The following DOCK4 variants were observed in gnomAD, a reference collection of about 807,000 sequenced individuals.
DOCK4 encodes the protein dedicator of cytokinesis 4, also known as dedicator of cytokinesis protein 4.
DOCK4 carries 97 observed loss-of-function variants against 268.1 expected under a neutral mutation model. The observed-to-expected ratio is 0.36, with a 90% confidence interval of 0.31 to 0.43. The LOEUF (loss-of-function observed/expected upper bound fraction) is 0.43. Ranked by LOEUF, DOCK4 falls within the 20% of genes least tolerant of loss-of-function variation. DOCK4 has a pLI of 1.00. For synonymous variants in DOCK4, 954 were observed against 887.2 expected (o/e 1.08, Z -1.34); for missense variants, 2,145 against 2,455.7 (o/e 0.87, Z 2.67).
intron 25 of DOCK4, among the ~76,000 whole-genome samples, chr7:111,843,601 G>T (rs1229046527): frequency 6.6e-6 from 1 of 152,132 alleles, no homozygotes; most frequent in Non-Finnish European, 1.5e-5. Flanking sequence ...TGAGAAAGTG[G>T]ACGATTCATA....
rs534361716 is a variant in DOCK4, at chr7:112,186,985, C to G, written c.37+19117G>C. ...AACCACTAATTAAACACTTTTGTTT[C>G]TCTTTTTTTTTAAGCCATTAATACT... is the stretch of plus-strand genomic sequence containing the variant. On this transcript the variant is annotated intron_variant, in intron 1 of 52. Coordinates refer to ENST00000428084, the MANE Select transcript of DOCK4 (RefSeq NM_001363540.2). Among the ~76,000 whole-genome samples the G allele has an allele frequency of 2.1e-3, 312 of 152,048 alleles. 1 individual carries two copies. Among genetic ancestry groups the G allele is most frequent in the African/African-American group, 7.2e-3 (298 of 41,476 alleles).
At chr7:111,964,269 G>C (rs1234112983) in intron 8 of DOCK4, among the ~76,000 whole-genome samples, 3 of 113,008 alleles carry the variant, frequency 2.7e-5, no homozygotes, top group Non-Finnish European at 5.1e-5. Context: ...GCTACGGGAG[G>C]ACATTCAAAC....
chr7:112,008,552 C>G (rs1801038344), intron 1 of DOCK4, among the ~76,000 whole-genome samples: 1 of 152,158 alleles, frequency 6.6e-6, no homozygotes, highest in South Asian at 2.1e-4. Context: ...GTAAATGATG[C>G]AGTGAAATGG....
At chr7:111,905,893 A>G (rs542563682) in intron 13 of DOCK4, among the ~76,000 whole-genome samples, 1 of 152,292 alleles carries the variant, frequency 6.6e-6, no homozygotes. Flanking sequence ...CCTAGTAGCA[A>G]CAGCAGCAGC....
intron 22 of DOCK4, among the ~76,000 whole-genome samples, chr7:111,865,581 C>G (rs1365505313): frequency 6.6e-6 from 1 of 152,248 alleles, no homozygotes; most frequent in African/African-American, 2.4e-5. Flanking sequence ...TCCCATGACC[C>G]TGTTCCCTGG....
Position 111,743,319 on chromosome 7 carries a change from C to A in DOCK4, c.4678-1187G>T, listed in dbSNP as rs183341841. The stretch of plus-strand genomic sequence containing the variant: ...GTTGCTATTTTTAATCTTTGCAGCT[C>A]GTGAAGATTTTAGGTTGAAAGCTCA... On this transcript the variant is annotated intron_variant, in intron 44 of 52. Transcript: ENST00000428084. 3.9e-5 allele frequency among the ~76,000 whole-genome samples: 6 copies of A among 152,296 alleles called. No individual in the cohort carries two copies. In the East Asian group the frequency reaches 1.2e-3, roughly 29 times the overall value.
chr7:111,834,115 C>T (rs996641444), intron 26 of DOCK4, among the ~76,000 whole-genome samples: 4 of 152,144 alleles, frequency 2.6e-5, no homozygotes, highest in Admixed American at 6.5e-5. Flanking sequence ...AGTAGCACAG[C>T]ATATTGATTA....
intron 25 of DOCK4, among the ~76,000 whole-genome samples, chr7:111,844,475 CA>C (rs1344375431): frequency 3.3e-5 from 5 of 152,162 alleles, no homozygotes; most frequent in Admixed American, 3.3e-4. Context: ...AAAAAGTCAT[CA>C]AGTTGACTTG....
intron 44 of DOCK4, among the ~76,000 whole-genome samples, chr7:111,745,044 C>T (rs1215872313): frequency 6.6e-6 from 1 of 152,154 alleles, no homozygotes; most frequent in Non-Finnish European, 1.5e-5. Context: ...GTCTTTATTT[C>T]CTGTTTAACA....
rs150214736 is a variant in DOCK4 at position 111,963,230 on chromosome 7, C to G, written c.701+13902G>C. ...CAAGATGGCCGAATAGGAACAGCTC[C>G]GGACTACAGCTCCCAGCGTGAGCGA... On this transcript the variant is annotated intron_variant, in intron 8 of 52. Transcript: ENST00000428084. Among the ~76,000 whole-genome samples, 1,390 of 151,972 alleles carry G rather than the reference C, an allele frequency of 9.1e-3. 25 individuals carry two copies. The highest frequency in any genetic ancestry group is 0.031 in the African/African-American group (1,299 of 41,366).
chr7:111,741,899 AGTGCAGTTT>A, intron 45 of DOCK4, 105 bp downstream of exon 45: 1 of 1,391,316 alleles, frequency 7.2e-7, no homozygotes, highest in Non-Finnish European at 9.6e-7. Context: ...CTGGTAAAAC[AGTGCAGTTT>A]GGTAGAAAAA....
chr7:112,114,739 T>G (rs911757359), intron 1 of DOCK4, among the ~76,000 whole-genome samples: 1 of 151,818 alleles, frequency 6.6e-6, no homozygotes, highest in Admixed American at 6.6e-5. Context: ...AACTCCTATT[T>G]TTTCTGCAAG....
rs533728494 is a variant in DOCK4, at chr7:111,911,250, G to C, written c.1192+4529C>G. On this transcript the variant is annotated intron_variant, in intron 13 of 52. Coordinates refer to ENST00000428084, the MANE Select transcript of DOCK4 (RefSeq NM_001363540.2). ...GTGTAACATTGGGATCAGAAATATTGTTCACACACACTTTCTCATGGAAGA... is the reference window on the plus strand; with the variant it reads ...GTGTAACATTGGGATCAGAAATATTCTTCACACACACTTTCTCATGGAAGA... Among the ~76,000 whole-genome samples, 19 of 152,254 alleles carry C rather than the reference G, an allele frequency of 1.2e-4. No individual in the cohort carries two copies. In the East Asian group the frequency reaches 3.3e-3, roughly 26 times the overall value.
In DOCK4 at chr7:111,755,397, A is replaced by C. The variant is rs142314797; in HGVS notation, c.4416+118T>G. 871 of 922,150 alleles carry C rather than the reference A, an allele frequency of 9.4e-4. 20 individuals are homozygous for C. In the East Asian group the frequency reaches 0.022, roughly 24 times the overall value. The allele number at this position is 922,150 out of a possible 1,614,324, so 57.1% of individuals were successfully genotyped here. ...GCGGTCAAGACCATAAACATTCACT[A>C]TTTTACTATGAGTGCTTCCAGAGAA... On this transcript the variant is annotated intron_variant, in intron 42 of 52. Coordinates refer to ENST00000428084, the MANE Select transcript of DOCK4 (RefSeq NM_001363540.2).
chr7:112,194,405 A>G (rs1157441322), intron 1 of DOCK4, among the ~76,000 whole-genome samples: 1 of 152,248 alleles, frequency 6.6e-6, no homozygotes, highest in Admixed American at 6.5e-5. Flanking sequence ...TCCCTTTCAA[A>G]GGCTTAGACC....
At chr7:111,797,385 C>T (rs1036576708) in intron 30 of DOCK4, among the ~76,000 whole-genome samples, 5 of 152,054 alleles carry the variant, frequency 3.3e-5, no homozygotes, top group Admixed American at 1.3e-4. Context: ...GCTGATTTTC[C>T]GAAGACCCTA....
intron 13 of DOCK4, among the ~76,000 whole-genome samples, chr7:111,914,171 G>A (rs987331407): frequency 6.2e-4 from 94 of 152,108 alleles, no homozygotes; most frequent in African/African-American, 2.1e-3. Flanking sequence ...GTCTCTGCCT[G>A]TGGACTGTAA....
At chr7:111,806,937 G>C (rs767454860) in intron 30 of DOCK4, among the ~76,000 whole-genome samples, 39 of 152,164 alleles carry the variant, frequency 2.6e-4, no homozygotes, top group Non-Finnish European at 4.6e-4. Context: ...CATTTTAGAA[G>C]AAAGACAAAA....
chr7:111,817,351 C>A (rs574499451), intron 27 of DOCK4, among the ~76,000 whole-genome samples: 68 of 152,276 alleles, frequency 4.5e-4, no homozygotes, highest in Non-Finnish European at 9.1e-4. Flanking sequence ...AATGGATGCT[C>A]AGCAGATTAG....
Sources: gnomAD v4.1 joint callset for allele counts (sites outside exome capture counted in the v4.1 genomes callset) on GRCh38, gnomAD v4.1.1 for gene constraint, MANE v1.5 for transcripts, NCBI Gene and HGNC (gene_info 2026-07-23, HGNC 2026-07-21) for gene names.